MAMDC2: variants seen among roughly 807,000 people sequenced by gnomAD.
The protein encoded by MAMDC2 is MAM domain containing 2.
A neutral mutation model predicts 89.8 loss-of-function variants in MAMDC2; 57 were observed. The ratio of observed to expected loss-of-function variants is 0.63; its 90% CI spans 0.51 to 0.79. The LOEUF (loss-of-function observed/expected upper bound fraction) is 0.79. Ranked by LOEUF, MAMDC2 falls within the 30% of genes least tolerant of loss-of-function variation. The pLI is 0.00. For synonymous variants in MAMDC2, 313 were observed against 293.4 expected (o/e 1.07, Z -0.68); for missense variants, 800 against 820.6 (o/e 0.97, Z 0.31).
intron 11 of MAMDC2, among the ~76,000 whole-genome samples, chr9:70,173,581 T>C (rs2032416068): frequency 6.6e-6 from 1 of 152,194 alleles, no homozygotes; most frequent in South Asian, 2.1e-4. Flanking sequence ...TGTATTTTTC[T>C]TGAGAAGGTT....
At chr9:70,089,416 A>G (rs567639323) in intron 2 of MAMDC2, among the ~76,000 whole-genome samples, 2 of 152,270 alleles carry the variant, frequency 1.3e-5, no homozygotes, top group South Asian at 4.1e-4. Context: ...TTTTATGCAT[A>G]TTTGAATTTT....
Position 70,212,306 on chromosome 9 carries a change from C to A in MAMDC2, c.1652-6031C>A, listed in dbSNP as rs374910134. 5.3e-5 allele frequency among the ~76,000 whole-genome samples: 8 copies of A among 152,242 alleles called. 1 individual carries two copies. The East Asian group carries it at 1.3e-3, about 26-fold the overall frequency. On this transcript the variant is annotated intron_variant, in intron 11 of 13. Coordinates refer to ENST00000377182, the MANE Select transcript of MAMDC2 (RefSeq NM_153267.5). ...TGGCCCTTCCTGGCCGCTTTGTGTA[C>A]CTACTCAAGCCTCAGCAATGGCAGA...
Position 70,109,811 on chromosome 9 carries a change from G to T in MAMDC2, c.505+7G>T. 2 of 1,607,518 alleles carry T rather than the reference G, an allele frequency of 1.2e-6. No homozygotes were observed. The highest frequency in any genetic ancestry group is 8.5e-7 in the Non-Finnish European group (1 of 1,174,564). On this transcript the variant is annotated splice_region_variant and intron_variant, in intron 4 of 13. Coordinates refer to ENST00000377182, the MANE Select transcript of MAMDC2 (RefSeq NM_153267.5). The stretch of plus-strand genomic sequence containing the variant: ...ACAACCGGCTACTGTATTGGTAAGT[G>T]GGCTTCATTTTCATTAAATCAAATT...
At chr9:70,167,240 C>T (rs889313269) in intron 9 of MAMDC2, among the ~76,000 whole-genome samples, 2 of 152,156 alleles carry the variant, frequency 1.3e-5, no homozygotes, top group East Asian at 1.9e-4. Flanking sequence ...AATATGAATA[C>T]AGTGCAAGTA....
intron 12 of MAMDC2, among the ~76,000 whole-genome samples, chr9:70,219,536 C>T (rs1178598306): frequency 6.6e-6 from 1 of 152,124 alleles, no homozygotes; most frequent in Non-Finnish European, 1.5e-5. Context: ...TATTTTGCAC[C>T]AACCTATGAC....
At chr9:70,222,372 A>G (rs2033580334) in intron 12 of MAMDC2, among the ~76,000 whole-genome samples, 1 of 152,216 alleles carries the variant, frequency 6.6e-6, no homozygotes, top group South Asian at 2.1e-4. Flanking sequence ...AGATGAGTTC[A>G]GGGAAGAGAA....
intron 5 of MAMDC2, among the ~76,000 whole-genome samples, chr9:70,123,131 T>C (rs1387754215): frequency 6.6e-6 from 1 of 152,190 alleles, no homozygotes; most frequent in East Asian, 1.9e-4. Flanking sequence ...ATACAAAGAA[T>C]TGTAGCTCTC....
chr9:70,078,642 T>G (rs1034179672), intron 2 of MAMDC2, among the ~76,000 whole-genome samples: 1 of 152,116 alleles, frequency 6.6e-6, no homozygotes, highest in African/African-American at 2.4e-5. Context: ...TTAGGTTAAT[T>G]TATAGCTATC....
At chr9:70,109,421 T>C in intron 3 of MAMDC2, 3 of 321,482 alleles carry the variant, frequency 9.3e-6, no homozygotes. Context: ...AAGGTGGTGG[T>C]GGTTGGGATA....
chr9:70,192,691 G>A (rs2118606036), intron 11 of MAMDC2, among the ~76,000 whole-genome samples: 2 of 152,198 alleles, frequency 1.3e-5, no homozygotes, highest in Middle Eastern at 6.8e-3. Context: ...AAAAAATTAT[G>A]TAATGATACT....
rs764296078 is a variant in MAMDC2, at chr9:70,113,064, T to A, written c.575T>A (p.Val192Asp). 1 of 1,614,148 alleles carries A rather than the reference T, an allele frequency of 6.2e-7. No homozygotes were observed. The highest frequency in any genetic ancestry group is 8.5e-7 in the Non-Finnish European group (1 of 1,179,998). Residue 192 changes from valine (V) to aspartate (D), a missense_variant, in exon 5 of 14, where the codon GTT (valine) becomes GAT (aspartate). By Grantham distance (152) the Val-to-Asp change is radical. Coordinates refer to ENST00000377182, the MANE Select transcript of MAMDC2 (RefSeq NM_153267.5). ...NRWNPNVNWF[V>D]GGGSIRNVHS... ...TGGAATCCCAATGTGAACTGGTTTG[T>A]TGGAGGAGGAAGTATTCGGAATGTC... is the stretch of plus-strand genomic sequence containing the variant.
At chr9:70,122,827 A>C (rs2118323947) in intron 5 of MAMDC2, among the ~76,000 whole-genome samples, 1 of 152,246 alleles carries the variant, frequency 6.6e-6, no homozygotes, top group Admixed American at 6.5e-5. Flanking sequence ...GGGTAGGGAA[A>C]ACTTTCAGCT....
chr9:70,210,325 T>G (rs1445036610), intron 11 of MAMDC2, among the ~76,000 whole-genome samples: 1 of 152,242 alleles, frequency 6.6e-6, no homozygotes, highest in Non-Finnish European at 1.5e-5. Context: ...GCTTCTGTAT[T>G]GGGTGCATAT....
At chr9:70,068,524 C>A (rs1827321340) in intron 2 of MAMDC2, among the ~76,000 whole-genome samples, 1 of 151,972 alleles carries the variant, frequency 6.6e-6, no homozygotes, top group African/African-American at 2.4e-5. Context: ...TGAGACCAGC[C>A]TGGCCAACAC....
intron 2 of MAMDC2, among the ~76,000 whole-genome samples, chr9:70,070,849 T>C (rs1248757126): frequency 6.6e-6 from 1 of 152,154 alleles, no homozygotes; most frequent in African/African-American, 2.4e-5. Context: ...CTACAGTCAA[T>C]TTTTTCCTCC....
chr9:70,085,590 C>T (rs1464294491), intron 2 of MAMDC2, among the ~76,000 whole-genome samples: 1 of 152,066 alleles, frequency 6.6e-6, no homozygotes, highest in Non-Finnish European at 1.5e-5. Context: ...TTTGACCAGA[C>T]TACTGCTTGT....
chr9:70,197,408 T>C (rs559540703), intron 11 of MAMDC2, among the ~76,000 whole-genome samples: 1 of 152,112 alleles, frequency 6.6e-6, no homozygotes, highest in South Asian at 2.1e-4. Flanking sequence ...CTTGATGAAA[T>C]GGAAGAACAT....
At chr9:70,137,619 G>GA (rs2031056583) in intron 7 of MAMDC2, among the ~76,000 whole-genome samples, 1 of 152,158 alleles carries the variant, frequency 6.6e-6, no homozygotes, top group African/African-American at 2.4e-5. Context: ...TTTGGAAATT[G>GA]ACAAATTGAG....
At chr9:70,047,474 T>C (rs1826781875) in intron 2 of MAMDC2, among the ~76,000 whole-genome samples, 1 of 152,134 alleles carries the variant, frequency 6.6e-6, no homozygotes. Flanking sequence ...GTTCCTGTGT[T>C]AGTTTGCTGA....
Sources: gnomAD v4.1 joint callset for allele counts (sites outside exome capture counted in the v4.1 genomes callset) on GRCh38, gnomAD v4.1.1 for gene constraint, MANE v1.5 for transcripts, NCBI Gene and HGNC (gene_info 2026-07-23, HGNC 2026-07-21) for gene names.